Variants in GRIK2 observed in about 807,000 individuals in gnomAD.
GRIK2 encodes the protein glutamate receptor ionotropic, kainate 2.
Under a neutral mutation model 100.3 loss-of-function variants are expected in GRIK2, and 32 were observed. That is an observed-to-expected ratio of 0.32 (90% CI 0.24 to 0.43). The LOEUF is 0.43. GRIK2 is among the 20% of genes least tolerant of loss of function. The pLI is 1.00. For missense variants in GRIK2, 843 were observed against 1,114.9 expected (o/e 0.76, Z 3.47); for synonymous variants, 417 against 389.4 (o/e 1.07, Z -0.83).
intron 2 of GRIK2, among the ~76,000 whole-genome samples, chr6:101,612,503 T>G (rs1779724364): frequency 6.6e-6 from 1 of 151,786 alleles, no homozygotes; most frequent in Admixed American, 6.6e-5. Context: ...GAGATTGAGC[T>G]TAGGTGTAAA....
chr6:101,435,742 A>G (rs931571136), intron 2 of GRIK2, among the ~76,000 whole-genome samples: 2 of 152,156 alleles, frequency 1.3e-5, no homozygotes, highest in African/African-American at 4.8e-5. Flanking sequence ...TCTTCTGATT[A>G]ATGCCATTGA....
intron 16 of GRIK2, among the ~76,000 whole-genome samples, chr6:102,067,183 T>C (rs781206957): frequency 1.1e-4 from 17 of 151,776 alleles, no homozygotes; most frequent in Non-Finnish European, 2.2e-4. Context: ...TTTTGATGTA[T>C]ATATACATTG....
intron 11 of GRIK2, among the ~76,000 whole-genome samples, chr6:101,861,145 T>C (rs959274684): frequency 2.6e-5 from 4 of 152,180 alleles, no homozygotes; most frequent in African/African-American, 9.6e-5. Context: ...TAGAGATAAG[T>C]TATATCATTT....
intron 14 of GRIK2, among the ~76,000 whole-genome samples, chr6:102,025,747 G>T (rs1474647649): frequency 6.6e-6 from 1 of 151,204 alleles, no homozygotes; most frequent in Non-Finnish European, 1.5e-5. Flanking sequence ...CAGGACAGGG[G>T]TCATGTTTTG....
intron 12 of GRIK2, among the ~76,000 whole-genome samples, chr6:101,920,438 G>A (rs2791797): frequency 0.94 from 142,364 of 151,918 alleles, 66,744 homozygotes; most frequent in Middle Eastern, 0.97. Context: ...GCTTCTAATC[G>A]TATGTCAGTG....
chr6:101,943,580 G>A (rs544686694), intron 14 of GRIK2, among the ~76,000 whole-genome samples: 4 of 152,300 alleles, frequency 2.6e-5, no homozygotes, highest in Non-Finnish European at 4.4e-5. Flanking sequence ...CCCACCTCTT[G>A]CATCAGCATA....
chr6:101,813,912 C>T (rs1437512125), intron 9 of GRIK2, among the ~76,000 whole-genome samples: 4 of 150,374 alleles, frequency 2.7e-5, no homozygotes, highest in African/African-American at 9.8e-5. Context: ...TGCAGTGAGC[C>T]GACATTGTGC....
intron 14 of GRIK2, among the ~76,000 whole-genome samples, chr6:102,023,360 A>G (rs1769529855): frequency 6.6e-6 from 1 of 151,450 alleles, no homozygotes; most frequent in Non-Finnish European, 1.5e-5. Context: ...AGAAAGAAAT[A>G]ATTATATAAG....
intron 4 of GRIK2, among the ~76,000 whole-genome samples, chr6:101,644,869 G>A (rs577363144): frequency 6.6e-6 from 1 of 151,800 alleles, no homozygotes; most frequent in African/African-American, 2.4e-5. Flanking sequence ...AGTGAAATGT[G>A]AGCAAAGTAC....
At chr6:101,613,413 T>C (rs1582826496) in intron 2 of GRIK2, among the ~76,000 whole-genome samples, 1 of 151,808 alleles carries the variant, frequency 6.6e-6, no homozygotes, top group South Asian at 2.1e-4. Flanking sequence ...CATACCTTTG[T>C]AATATTAGTA....
chr6:101,501,149 G>T (rs1773728332), intron 2 of GRIK2, among the ~76,000 whole-genome samples: 1 of 151,766 alleles, frequency 6.6e-6, no homozygotes, highest in South Asian at 2.1e-4. Context: ...ATAAGTATCT[G>T]AGGAAACCTG....
intron 10 of GRIK2, among the ~76,000 whole-genome samples, chr6:101,840,021 G>C (rs1208105289): frequency 6.6e-6 from 1 of 152,078 alleles, no homozygotes; most frequent in Non-Finnish European, 1.5e-5. Flanking sequence ...ATGAATAATG[G>C]TGTGATAGTT....
intron 2 of GRIK2, among the ~76,000 whole-genome samples, chr6:101,421,354 C>T (rs895984863): frequency 5.9e-5 from 9 of 152,168 alleles, no homozygotes; most frequent in Non-Finnish European, 1.0e-4. Flanking sequence ...TAGAAGTTGG[C>T]TTAGGGTTTA....
intron 7 of GRIK2, among the ~76,000 whole-genome samples, chr6:101,692,876 A>C (rs1364352070): frequency 6.6e-6 from 1 of 152,134 alleles, no homozygotes; most frequent in Non-Finnish European, 1.5e-5. Context: ...TAATGAAGTC[A>C]TAAGTACAAC....
intron 7 of GRIK2, among the ~76,000 whole-genome samples, chr6:101,692,039 CAAAAAAAAAAAAA>C (rs60210939): frequency 1.3e-5 from 1 of 78,388 alleles, no homozygotes; most frequent in Non-Finnish European, 2.5e-5. Flanking sequence ...CACCCCGTCT[CAAAAAAAAAAAAA>C]AAAAAAAAAA....
At chr6:101,814,709 A>G (rs1405446690) in intron 9 of GRIK2, among the ~76,000 whole-genome samples, 1 of 152,122 alleles carries the variant, frequency 6.6e-6, no homozygotes, top group Non-Finnish European at 1.5e-5. Flanking sequence ...TGTTTTTAAA[A>G]TGATAAAATG....
intron 12 of GRIK2, among the ~76,000 whole-genome samples, chr6:101,909,588 T>C (rs1419640887): frequency 6.6e-6 from 1 of 150,852 alleles, no homozygotes; most frequent in African/African-American, 2.4e-5. Context: ...ACATTTCCTG[T>C]TTTATTGGCT....
intron 2 of GRIK2, among the ~76,000 whole-genome samples, chr6:101,572,032 C>T (rs1777563287): frequency 6.6e-6 from 1 of 152,032 alleles, no homozygotes; most frequent in Non-Finnish European, 1.5e-5. Flanking sequence ...TATACTGTTA[C>T]AGGCCAATCT....
chr6:102,055,270 A>T, intron 15 of GRIK2, 60 bp from the exon 16 acceptor site: 1 of 1,346,196 alleles, frequency 7.4e-7, no homozygotes, highest in Middle Eastern at 1.9e-4. Flanking sequence ...CATCTTGCTA[A>T]CCTTTAATTA....
Sources: gnomAD v4.1 joint callset for allele counts (sites outside exome capture counted in the v4.1 genomes callset) on GRCh38, gnomAD v4.1.1 for gene constraint, MANE v1.5 for transcripts, NCBI Gene and HGNC (gene_info 2026-07-23, HGNC 2026-07-21) for gene names.